DOCK7: variants seen among roughly 807,000 people sequenced by gnomAD.
The protein encoded by DOCK7 is dedicator of cytokinesis protein 7.
In DOCK7, 138 loss-of-function variants were observed where a neutral mutation model predicts 271.0. That is an observed-to-expected ratio of 0.51 (90% CI 0.44 to 0.59). DOCK7 has a LOEUF of 0.59. Ranked by LOEUF, DOCK7 falls within the 20% of genes least tolerant of loss-of-function variation. The pLI is 0.00. For synonymous variants in DOCK7, 823 were observed against 876.1 expected, an observed-to-expected ratio of 0.94 and a Z score of 1.07; for missense variants, 2,066 against 2,592.4, an observed-to-expected ratio of 0.80 and a Z score of 4.41.
chr1:62,681,368 C>T (rs1205675518), intron 1 of DOCK7, among the ~76,000 whole-genome samples: 3 of 130,750 alleles, frequency 2.3e-5, no homozygotes, highest in African/African-American at 9.0e-5. Context: ...GGGAACATCA[C>T]ACACCAGGGC....
chr1:62,543,750 G>A lies in DOCK7; in HGVS notation c.2860-5C>T. 2 of 1,569,216 alleles carry A rather than the reference G, an allele frequency of 1.3e-6. No homozygotes were observed. Among genetic ancestry groups the A allele is most frequent in the Middle Eastern group, 1.7e-4 (1 of 5,878 alleles). On this transcript the variant is annotated splice_polypyrimidine_tract_variant and splice_region_variant and intron_variant, in intron 23 of 49. Transcript: ENST00000635253. ...ATTACAACTTCGATCCATAGCCTATGGAGTGAAGATGAATGAATGACGAGA... is the reference window on the plus strand; with the variant it reads ...ATTACAACTTCGATCCATAGCCTATAGAGTGAAGATGAATGAATGACGAGA...
intron 19 of DOCK7, among the ~76,000 whole-genome samples, chr1:62,561,073 T>C (rs931647551): frequency 3.3e-5 from 5 of 151,974 alleles, no homozygotes; most frequent in African/African-American, 9.7e-5. Flanking sequence ...AAGTGCAGGG[T>C]AAGATGACAT....
At chr1:62,546,507 A>G (rs1347145695) in intron 22 of DOCK7, among the ~76,000 whole-genome samples, 1 of 152,140 alleles carries the variant, frequency 6.6e-6, no homozygotes, top group Non-Finnish European at 1.5e-5. Context: ...AAGATAAATT[A>G]CTTAATTTCT....
intron 21 of DOCK7, among the ~76,000 whole-genome samples, chr1:62,553,742 T>G (rs1188866844): frequency 6.6e-6 from 1 of 151,962 alleles, no homozygotes; most frequent in African/African-American, 2.4e-5. Flanking sequence ...TAAAACCATA[T>G]GAACTATAAA....
chr1:62,671,437 T>C (rs1256214821), intron 1 of DOCK7, among the ~76,000 whole-genome samples: 1 of 152,196 alleles, frequency 6.6e-6, no homozygotes, highest in Non-Finnish European at 1.5e-5. Context: ...CATATCTTAT[T>C]AATCGTTATA....
intron 24 of DOCK7, 44 bp from the exon 25 acceptor site, chr1:62,542,747 C>A (rs780591749): frequency 6.4e-7 from 1 of 1,557,956 alleles, no homozygotes; most frequent in Non-Finnish European, 8.8e-7. Context: ...GTCAAATCTG[C>A]TGATAACATA....
At chr1:62,470,835 C>T (rs1016760460) in intron 48 of DOCK7, among the ~76,000 whole-genome samples, 1 of 151,940 alleles carries the variant, frequency 6.6e-6, no homozygotes, top group Non-Finnish European at 1.5e-5. Context: ...CCAAATACCA[C>T]CTGTTCCCCA....
chr1:62,557,417 A>T (rs564221383), intron 20 of DOCK7, among the ~76,000 whole-genome samples: 3 of 151,464 alleles, frequency 2.0e-5, no homozygotes, highest in Non-Finnish European at 2.9e-5. Context: ...CTCAGCACAT[A>T]AACATGCTAA....
intron 2 of DOCK7, among the ~76,000 whole-genome samples, chr1:62,661,697 G>A (rs1448709497): frequency 6.6e-6 from 1 of 152,056 alleles, no homozygotes; most frequent in African/African-American, 2.4e-5. Flanking sequence ...GATGTGGAAG[G>A]ACAATTGGAG....
chr1:62,633,664 A>G (rs1557834340), intron 9 of DOCK7, 86 bp from the exon 10 acceptor site: 3 of 870,476 alleles, frequency 3.4e-6, no homozygotes, highest in South Asian at 3.0e-5. Context: ...AATATAACAC[A>G]TTAACAGAAT....
At chr1:62,481,729 A>T (rs1646133215) in intron 43 of DOCK7, 1 of 152,212 alleles carries the variant, frequency 6.6e-6, no homozygotes, top group Non-Finnish European at 1.5e-5. Flanking sequence ...CGGGACGAAG[A>T]AATCCATCTA....
intron 14 of DOCK7, among the ~76,000 whole-genome samples, chr1:62,617,168 A>G (rs930877987): frequency 2.6e-5 from 4 of 151,840 alleles, no homozygotes; most frequent in African/African-American, 7.2e-5. Flanking sequence ...TTGTACAGTA[A>G]GCCTAAAAAG....
chr1:62,477,665 A>G (rs1646005938), intron 44 of DOCK7, 35 bp downstream of exon 44: 1 of 1,551,882 alleles, frequency 6.4e-7, no homozygotes, highest in Non-Finnish European at 8.7e-7. Flanking sequence ...AATACAAACT[A>G]AAGATGACAT....
chr1:62,603,564 C>A (rs1436087360), intron 14 of DOCK7, among the ~76,000 whole-genome samples: 1 of 151,720 alleles, frequency 6.6e-6, no homozygotes, highest in African/African-American at 2.4e-5. Flanking sequence ...TTACTCAAGT[C>A]TCTAGGAATA....
At chr1:62,657,658 TTAAAA>T (rs1658185119) in intron 2 of DOCK7, among the ~76,000 whole-genome samples, 1 of 152,044 alleles carries the variant, frequency 6.6e-6, no homozygotes, top group South Asian at 2.1e-4. Flanking sequence ...GTAAACACTC[TTAAAA>T]TAAATGAAAA....
chr1:62,658,569 T>G (rs1658299685), intron 2 of DOCK7, among the ~76,000 whole-genome samples: 1 of 152,058 alleles, frequency 6.6e-6, no homozygotes, highest in Non-Finnish European at 1.5e-5. Flanking sequence ...ATCATGGCAG[T>G]CAAAAGAAAG....
At chr1:62,554,640 T>C (rs895285025) in intron 21 of DOCK7, among the ~76,000 whole-genome samples, 1 of 152,184 alleles carries the variant, frequency 6.6e-6, no homozygotes. Context: ...CAAATGATAT[T>C]AATACATACC....
chr1:62,529,128 T>C (rs1312427677), intron 30 of DOCK7, 149 bp downstream of exon 30: 1 of 729,044 alleles, frequency 1.4e-6, no homozygotes, highest in African/African-American at 1.8e-5. Flanking sequence ...TCAAAGGTTT[T>C]CTGGCAATAT....
chr1:62,652,579 C>T (rs1194120385), intron 4 of DOCK7, among the ~76,000 whole-genome samples: 1 of 152,054 alleles, frequency 6.6e-6, no homozygotes, highest in African/African-American at 2.4e-5. Context: ...ACACAGTAAA[C>T]CCATAAATGT....
Sources: gnomAD v4.1 joint callset for allele counts (sites outside exome capture counted in the v4.1 genomes callset) on GRCh38, gnomAD v4.1.1 for gene constraint, MANE v1.5 for transcripts, NCBI Gene and HGNC (gene_info 2026-07-23, HGNC 2026-07-21) for gene names.